The following CLUL1 variants were observed in gnomAD, a reference collection of about 807,000 sequenced individuals.
CLUL1 encodes clusterin like 1, also known as clusterin-like protein 1.
CLUL1 carries 43 observed loss-of-function variants against 49.4 expected under a neutral mutation model. The observed-to-expected ratio is 0.87, with a 90% CI of 0.68 to 1.12. CLUL1 has a LOEUF of 1.12. Among genes scored for constraint, CLUL1 ranks in the 50% most tolerant of loss-of-function variants. The pLI, the probability that CLUL1 is intolerant of heterozygous loss-of-function variation, is 0.00. For synonymous variants in CLUL1, 192 were observed against 184.9 expected, an observed-to-expected ratio of 1.04 and a Z score of -0.31; for missense variants, 486 against 544.4, an observed-to-expected ratio of 0.89 and a Z score of 1.07.
Position 644,938 on chromosome 18 carries a change from T to C in CLUL1, c.1238T>C (p.Ile413Thr), listed in dbSNP as rs1024890248. 1 of 1,612,940 alleles carries C rather than the reference T, an allele frequency of 6.2e-7. No homozygotes were observed. Among genetic ancestry groups the C allele is most frequent in the Non-Finnish European group, 8.5e-7 (1 of 1,179,524 alleles). The part of the protein sequence containing the change: ...QVVPRIHEGN[I>T]SKQDETMMTD... Reference sequence around the variant, plus strand: ...GTTCCAAGGATTCATGAAGGAAATATTTCCAAACAAGATGAAACAATGATG... The same window carrying C: ...GTTCCAAGGATTCATGAAGGAAATACTTCCAAACAAGATGAAACAATGATG... Residue 413 changes from isoleucine (I) to threonine (T), a missense_variant, in exon 9 of 10, where the codon ATT becomes ACT. Transcript: ENST00000692774.
rs1567967425 is a variant in CLUL1, at chr18:627,084, C to G, written c.424-13C>G. On this transcript the variant is annotated splice_polypyrimidine_tract_variant and intron_variant, in intron 5 of 9. Transcript: ENST00000692774. ...TTTTTTATTCCATTTCTGTCCCCTA[C>G]TCTACTCCACAGATTGAACGGTTTT... 1 of 1,561,344 alleles carries G rather than the reference C, an allele frequency of 6.4e-7. No individual in the cohort carries two copies. Among genetic ancestry groups the G allele is most frequent in the African/African-American group, 1.4e-5 (1 of 73,556 alleles).
intron 2 of CLUL1, among the ~76,000 whole-genome samples, chr18:607,903 C>T (rs1040939068): frequency 1.3e-5 from 2 of 152,120 alleles, no homozygotes; most frequent in Non-Finnish European, 2.9e-5. Flanking sequence ...GCACTTCACC[C>T]AATTGCCTCT....
At chr18:612,267 T>C (rs1259724090) in intron 2 of CLUL1, among the ~76,000 whole-genome samples, 1 of 152,184 alleles carries the variant, frequency 6.6e-6, no homozygotes, top group African/African-American at 2.4e-5. Context: ...TTTCTGACTT[T>C]TTACCCTGCC....
At chr18:612,203 G>T (rs1225433118) in intron 2 of CLUL1, among the ~76,000 whole-genome samples, 3 of 152,168 alleles carry the variant, frequency 2.0e-5, no homozygotes, top group Admixed American at 6.5e-5. Flanking sequence ...CATTATTGTT[G>T]CCCTTTGGGA....
chr18:645,646 T>C (rs1282757856), intron 9 of CLUL1, among the ~76,000 whole-genome samples: 2 of 150,140 alleles, frequency 1.3e-5, no homozygotes, highest in African/African-American at 2.4e-5. Flanking sequence ...TAAAAAAAAT[T>C]AGCCGGGCGT....
chr18:645,171 G>C, intron 9 of CLUL1, 74 bp downstream of exon 9: 1 of 1,199,244 alleles, frequency 8.3e-7, no homozygotes, highest in Non-Finnish European at 1.1e-6. Context: ...AACAAAACTT[G>C]TTTCCAAATA....
rs1014963730 is a variant in CLUL1, at chr18:604,052, T to C, written c.-135-2926T>C. On this transcript the variant is annotated intron_variant, in intron 1 of 9. Transcript: ENST00000692774. ...CACGCCACCTCACCTGGCTAATTTT[T>C]TGTATTTTTATAATGATGGGGTTTC... is the stretch of plus-strand genomic sequence containing the variant. 3.3e-5 allele frequency among the ~76,000 whole-genome samples: 5 copies of C among 152,162 alleles called. No individual in the cohort carries two copies. In the South Asian group the frequency reaches 8.3e-4, roughly 25 times the overall value.
At chr18:648,066 G>A (rs368492639) in intron 9 of CLUL1, among the ~76,000 whole-genome samples, 2 of 152,192 alleles carry the variant, frequency 1.3e-5, no homozygotes, top group East Asian at 1.9e-4. Flanking sequence ...AACAGTAGGC[G>A]AAGGTGGAAG....
intron 4 of CLUL1, among the ~76,000 whole-genome samples, chr18:624,631 T>C (rs505140): frequency 6.6e-6 from 1 of 151,952 alleles, no homozygotes; most frequent in Non-Finnish European, 1.5e-5. Flanking sequence ...TAAATACTTA[T>C]TGAACAAATG....
At chr18:619,471 G>A (rs953400406) in intron 4 of CLUL1, 110 bp downstream of exon 4, 3 of 1,025,754 alleles carry the variant, frequency 2.9e-6, no homozygotes, top group African/African-American at 3.3e-5. Context: ...AAATTTCATG[G>A]GTAGCTGCTT....
intron 2 of CLUL1, chr18:612,888 G>A (rs1240836082): frequency 6.1e-6 from 1 of 164,294 alleles, no homozygotes; most frequent in African/African-American, 2.4e-5. Flanking sequence ...GAACTTGCTG[G>A]AAGCAAGAGA....
At position 641,480 on chromosome 18, in the gene CLUL1, G is replaced by A; in HGVS notation, c.1148G>A (p.Gly383Asp). 1 of 1,614,168 alleles carries A rather than the reference G, an allele frequency of 6.2e-7. No individual in the cohort carries two copies. Among genetic ancestry groups the A allele is most frequent in the South Asian group, 1.1e-5 (1 of 91,078 alleles). ...GTGGAGAAGATGAGAGGGCAATTTG[G>A]CTGGGTGTCTGAACTGGCAAACCAG... Reference protein sequence around the residue: ...YLVEKMRGQFGWVSELANQAP... With the variant: ...YLVEKMRGQFDWVSELANQAP... Residue 383 changes from glycine (G) to aspartate (D), a missense_variant, in exon 8 of 10, where the codon GGC becomes GAC. Gly to Asp is a moderately conservative substitution (Grantham distance 94). Coordinates refer to ENST00000692774, the MANE Select transcript of CLUL1 (RefSeq NM_001393344.1).
intron 2 of CLUL1, among the ~76,000 whole-genome samples, chr18:608,386 C>T (rs1013916848): frequency 2.6e-5 from 4 of 152,154 alleles, no homozygotes; most frequent in East Asian, 1.9e-4. Flanking sequence ...AGGTATTATC[C>T]GATCTTGGTG....
intron 7 of CLUL1, among the ~76,000 whole-genome samples, chr18:634,588 G>A (rs78201310): frequency 5.9e-5 from 9 of 152,028 alleles, no homozygotes; most frequent in East Asian, 5.8e-4. Flanking sequence ...CCTTCTTACC[G>A]CAAGCAAAAA....
intron 2 of CLUL1, among the ~76,000 whole-genome samples, chr18:613,973 TCA>T (rs1326147262): frequency 6.6e-6 from 1 of 152,224 alleles, no homozygotes; most frequent in African/African-American, 2.4e-5. Context: ...TGAATAATAA[TCA>T]CAGAACTTCA....
intron 7 of CLUL1, among the ~76,000 whole-genome samples, chr18:639,772 C>A (rs2074285420): frequency 6.6e-6 from 1 of 150,524 alleles, no homozygotes; most frequent in South Asian, 2.1e-4. Context: ...CTCAAACAAA[C>A]AAACAAAAAA....
intron 6 of CLUL1, among the ~76,000 whole-genome samples, chr18:629,349 T>G (rs2073917994): frequency 6.6e-6 from 1 of 152,198 alleles, no homozygotes; most frequent in Non-Finnish European, 1.5e-5. Flanking sequence ...ATCAACTGTC[T>G]TGGAATAACA....
At chr18:614,457 T>A (rs2073235137) in intron 2 of CLUL1, 1 of 152,274 alleles carries the variant, frequency 6.6e-6, no homozygotes, top group East Asian at 1.9e-4. Flanking sequence ...TCCTTATACT[T>A]TATCTTTTGT....
In CLUL1 at chr18:649,875, C is replaced by T. The variant is rs745972227; in HGVS notation, c.1398-23C>T. On this transcript the variant is annotated intron_variant, in intron 9 of 9. Coordinates refer to ENST00000692774, the MANE Select transcript of CLUL1 (RefSeq NM_001393344.1). ...TAATTTATTAGTATTTTGATCATTG[C>T]TGCCTTTTTTTTTTTTTTTAAGGTA... The T allele has an allele frequency of 9.2e-6, 12 of 1,299,350 alleles. No individual in the cohort carries two copies. In the East Asian group the frequency reaches 2.6e-4, roughly 28 times the overall value. 80.5% of individuals were successfully genotyped at this position (1,299,350 alleles called of 1,614,324 possible).
Sources: allele counts gnomAD v4.1 joint callset (sites outside exome capture counted in the v4.1 genomes callset), GRCh38; gene constraint gnomAD v4.1.1; transcripts MANE v1.5; gene names NCBI Gene and HGNC (gene_info 2026-07-23, HGNC 2026-07-21).